MTCL2: variants seen among roughly 807,000 people sequenced by gnomAD.
MTCL2 encodes the protein microtubule cross-linking factor 2.
the MTCL2 span, among the ~76,000 whole-genome samples, chr20:36,845,039 GAAGAA>G: frequency 4.3e-3 from 651 of 150,512 alleles, 9 homozygotes; most frequent in East Asian, 0.029. Flanking sequence ...AGAAGAAGAA[GAAGAA>G]AAGAAAAAGA....
the MTCL2 span, chr20:36,859,996 C>G: frequency 9.4e-7 from 1 of 1,061,848 alleles, no homozygotes; most frequent in Non-Finnish European, 1.2e-6. Context: ...AATAACCCCT[C>G]TATTTATGGT....
chr20:36,824,051 G>C, the MTCL2 span, among the ~76,000 whole-genome samples: 2 of 152,118 alleles, frequency 1.3e-5, no homozygotes, highest in African/African-American at 4.8e-5. Context: ...CAGGGTCCTA[G>C]GAGAGCAAGG....
chr20:36,847,359 T>C, the MTCL2 span, among the ~76,000 whole-genome samples: 1 of 152,222 alleles, frequency 6.6e-6, no homozygotes, highest in African/African-American at 2.4e-5. Context: ...CAGACTCTGA[T>C]TCAAACCCCA....
chr20:36,833,041 A>G, the MTCL2 span, among the ~76,000 whole-genome samples: 2 of 152,054 alleles, frequency 1.3e-5, no homozygotes, highest in African/African-American at 4.8e-5. Context: ...AAGCACTTTG[A>G]TTATTATCCC....
chr20:36,848,037 T>C, the MTCL2 span, among the ~76,000 whole-genome samples: 6 of 152,258 alleles, frequency 3.9e-5, no homozygotes, highest in East Asian at 1.2e-3. Flanking sequence ...AGTCCCCAGC[T>C]ACTCAGGAGG....
chr20:36,846,865 C>A, the MTCL2 span, among the ~76,000 whole-genome samples: 1 of 152,170 alleles, frequency 6.6e-6, no homozygotes, highest in Non-Finnish European at 1.5e-5. Flanking sequence ...AAAAAATTAG[C>A]CAGGCTTGGT....
chr20:36,860,136 CCT>C, the MTCL2 span, among the ~76,000 whole-genome samples: 1 of 152,226 alleles, frequency 6.6e-6, no homozygotes, highest in East Asian at 1.9e-4. Flanking sequence ...GCCTTGCTCT[CCT>C]CTCTTACCCA....
chr20:36,817,733 A>T, the MTCL2 span, among the ~76,000 whole-genome samples: 1 of 152,150 alleles, frequency 6.6e-6, no homozygotes, highest in Non-Finnish European at 1.5e-5. Flanking sequence ...GCCTGCTCCC[A>T]TGTGTGACCC....
the MTCL2 span, chr20:36,793,165 T>A: frequency 6.9e-7 from 1 of 1,439,168 alleles, no homozygotes; most frequent in Non-Finnish European, 9.2e-7. The surrounding 1 kb of genome is among the most constrained non-coding windows in gnomAD (Gnocchi z 6.8). Flanking sequence ...TCGGCCCATA[T>A]CTCTGAACTT....
the MTCL2 span, chr20:36,794,597 G>A: frequency 6.2e-7 from 1 of 1,613,980 alleles, no homozygotes; most frequent in Non-Finnish European, 8.5e-7. This position sits in a 1 kb window ranked among gnomAD's most constrained non-coding sequence, Gnocchi z 5.4. Flanking sequence ...AACAGATTTG[G>A]TTCTGCGAAG....
chr20:36,851,338 C>T, the MTCL2 span, among the ~76,000 whole-genome samples: 1 of 152,170 alleles, frequency 6.6e-6, no homozygotes, highest in African/African-American at 2.4e-5. Context: ...ACAAAACCTC[C>T]AGTGACTTTT....
chr20:36,810,152 G>T, the MTCL2 span: 1 of 1,544,584 alleles, frequency 6.5e-7, no homozygotes, highest in East Asian at 2.4e-5. Flanking sequence ...GGGAGAGAGA[G>T]GAAGAAGTGG....
At chr20:36,845,698 C>A in the MTCL2 span, among the ~76,000 whole-genome samples, 1 of 152,140 alleles carries the variant, frequency 6.6e-6, no homozygotes, top group Non-Finnish European at 1.5e-5. Context: ...GGGAGGGGAC[C>A]CAGAGGGCAG....
chr20:36,856,300 T>C, the MTCL2 span, among the ~76,000 whole-genome samples: 1 of 152,178 alleles, frequency 6.6e-6, no homozygotes, highest in Non-Finnish European at 1.5e-5. Context: ...CCAGGAAGTC[T>C]GCCAAGTCCC....
chr20:36,784,438 G>A, the MTCL2 span: 1 of 984,078 alleles, frequency 1.0e-6, no homozygotes, highest in Non-Finnish European at 1.2e-6. Flanking sequence ...CTGGCAGGTG[G>A]GAGGTGGGAG....
chr20:36,829,266 T>G, the MTCL2 span: 1 of 1,514,884 alleles, frequency 6.6e-7, no homozygotes. Flanking sequence ...GAGCCCCCAC[T>G]GCAAGTCCCA....
chr20:36,817,549 C>A, the MTCL2 span: 1 of 1,401,162 alleles, frequency 7.1e-7, no homozygotes. Context: ...AGAGAGCTGT[C>A]ACAGTGCCCA....
the MTCL2 span, among the ~76,000 whole-genome samples, chr20:36,810,717 C>CCTCTCCCTCT: frequency 3.2e-5 from 3 of 94,270 alleles, no homozygotes; most frequent in South Asian, 8.3e-4. Flanking sequence ...TCTCTCTCTC[C>CCTCTCCCTCT]CTCTCTCTCT....
the MTCL2 span, among the ~76,000 whole-genome samples, chr20:36,810,717 C>CCTCTCTCCCTCTCTCT: frequency 8.5e-5 from 8 of 94,194 alleles, no homozygotes; most frequent in Non-Finnish European, 1.5e-4. Flanking sequence ...TCTCTCTCTC[C>CCTCTCTCCCTCTCTCT]CTCTCTCTCT....
Sources: allele counts gnomAD v4.1 joint callset (sites outside exome capture counted in the v4.1 genomes callset), GRCh38; gene constraint gnomAD v4.1.1; non-coding constraint Gnocchi (gnomAD v3.1); transcripts MANE v1.5; gene names NCBI Gene and HGNC (gene_info 2026-07-23, HGNC 2026-07-21).